The following EPHA3 variants were observed in gnomAD, a reference collection of about 807,000 sequenced individuals.
EPHA3 encodes EPH receptor A3, also known as ephrin type-A receptor 3.
In EPHA3, 42 loss-of-function variants were observed where a neutral mutation model predicts 107.1. The observed-to-expected ratio is 0.39, with a 90% CI of 0.31 to 0.51. EPHA3 has a LOEUF of 0.51. EPHA3 is among the 20% of genes least tolerant of loss of function. The pLI, the probability that EPHA3 is intolerant of heterozygous loss-of-function variation, is 0.78. For missense variants in EPHA3, 1,183 were observed against 1,211.2 expected, an observed-to-expected ratio of 0.98 and a Z score of 0.35; for synonymous variants, 461 against 424.8, an observed-to-expected ratio of 1.09 and a Z score of -1.05.
intron 3 of EPHA3, among the ~76,000 whole-genome samples, chr3:89,221,131 G>A (rs1704362859): frequency 6.6e-6 from 1 of 152,116 alleles, no homozygotes; most frequent in Non-Finnish European, 1.5e-5. Context: ...GCAGAGAGAG[G>A]CTGAGGTACC....
chr3:89,226,401 TG>T (rs1704504829), intron 3 of EPHA3, among the ~76,000 whole-genome samples: 1 of 152,126 alleles, frequency 6.6e-6, no homozygotes, highest in Admixed American at 6.6e-5. Context: ...ATCCTTACTA[TG>T]GGGAAACGTT....
At chr3:89,241,309 C>A (rs1029615592) in intron 3 of EPHA3, among the ~76,000 whole-genome samples, 3 of 152,130 alleles carry the variant, frequency 2.0e-5, no homozygotes, top group African/African-American at 7.2e-5. Context: ...ATCAGCCAAT[C>A]AGTGTTGACC....
chr3:89,227,414 C>T (rs1336182829), intron 3 of EPHA3, among the ~76,000 whole-genome samples: 4 of 152,014 alleles, frequency 2.6e-5, no homozygotes, highest in Non-Finnish European at 5.9e-5. Flanking sequence ...TTGCAGGTCT[C>T]TAATCCCTCA....
intron 5 of EPHA3, among the ~76,000 whole-genome samples, chr3:89,391,358 A>AT (rs1708728503): frequency 7.4e-6 from 1 of 134,426 alleles, no homozygotes; most frequent in African/African-American, 2.8e-5. Context: ...AGTCTTAACT[A>AT]TTTTTTTCTC....
At chr3:89,470,025 CA>C (rs1490812947) in intron 15 of EPHA3, among the ~76,000 whole-genome samples, 1 of 151,248 alleles carries the variant, frequency 6.6e-6, no homozygotes, top group African/African-American at 2.4e-5. Flanking sequence ...ACTAAAACGG[CA>C]AAAAATCAAA....
intron 5 of EPHA3, among the ~76,000 whole-genome samples, chr3:89,371,854 T>C (rs963620844): frequency 2.0e-5 from 3 of 151,584 alleles, no homozygotes; most frequent in Non-Finnish European, 4.4e-5. Context: ...CTTGCCTATA[T>C]TGAAGAGAAA....
chr3:89,400,889 A>C (rs1207429445), intron 7 of EPHA3, among the ~76,000 whole-genome samples: 1 of 152,214 alleles, frequency 6.6e-6, no homozygotes, highest in African/African-American at 2.4e-5. Flanking sequence ...AAGATGAGCA[A>C]AGATGCACAC....
intron 2 of EPHA3, among the ~76,000 whole-genome samples, chr3:89,195,940 A>T (rs1327797553): frequency 6.6e-6 from 1 of 152,118 alleles, no homozygotes; most frequent in Non-Finnish European, 1.5e-5. Flanking sequence ...TTGTCTTTAT[A>T]GCACCCAGAG....
chr3:89,401,953 C>A (rs558395699), intron 7 of EPHA3, among the ~76,000 whole-genome samples: 1 of 152,216 alleles, frequency 6.6e-6, no homozygotes, highest in East Asian at 1.9e-4. Flanking sequence ...GATCCGAAAT[C>A]ATAGAATTAG....
intron 1 of EPHA3, among the ~76,000 whole-genome samples, chr3:89,124,328 T>TC (rs1704042799): frequency 6.6e-6 from 1 of 152,156 alleles, no homozygotes; most frequent in Non-Finnish European, 1.5e-5. Flanking sequence ...GAAATTCCAT[T>TC]CATTGTCTTT....
intron 2 of EPHA3, among the ~76,000 whole-genome samples, chr3:89,128,180 T>C (rs558566099): frequency 6.6e-6 from 1 of 152,262 alleles, no homozygotes; most frequent in East Asian, 1.9e-4. Flanking sequence ...AGTCTTTAGA[T>C]TTTTGTGCCT....
intron 12 of EPHA3, 35 bp downstream of exon 12, chr3:89,429,202 T>A: frequency 2.0e-6 from 3 of 1,529,310 alleles, no homozygotes; most frequent in Non-Finnish European, 2.7e-6. Flanking sequence ...TATATATGAA[T>A]AAATTGCTGA....
intron 13 of EPHA3, among the ~76,000 whole-genome samples, chr3:89,440,759 G>A (rs1195194307): frequency 6.6e-6 from 1 of 152,142 alleles, no homozygotes; most frequent in Non-Finnish European, 1.5e-5. Flanking sequence ...GTTATGTAGT[G>A]CCTTTTTCCA....
chr3:89,184,832 A>G (rs1559590069), intron 2 of EPHA3, among the ~76,000 whole-genome samples: 1 of 152,062 alleles, frequency 6.6e-6, no homozygotes, highest in East Asian at 1.9e-4. Context: ...GGATAGCAGC[A>G]GTGATATTAG....
intron 5 of EPHA3, among the ~76,000 whole-genome samples, chr3:89,357,709 T>C (rs1707997914): frequency 6.6e-6 from 1 of 151,340 alleles, no homozygotes; most frequent in African/African-American, 2.4e-5. Flanking sequence ...TTTTTCATAG[T>C]TGATATCTGG....
intron 2 of EPHA3, among the ~76,000 whole-genome samples, chr3:89,197,570 A>C (rs1705868382): frequency 6.6e-6 from 1 of 152,176 alleles, no homozygotes; most frequent in African/African-American, 2.4e-5. Context: ...CAAGTGTCTA[A>C]TAAAATTACA....
At chr3:89,113,071 T>C (rs1707151829) in intron 1 of EPHA3, among the ~76,000 whole-genome samples, 2 of 152,160 alleles carry the variant, frequency 1.3e-5, no homozygotes, top group African/African-American at 4.8e-5. Context: ...AAAGGGCTTT[T>C]ACCAAGTACA....
At chr3:89,181,722 A>G (rs1705446833) in intron 2 of EPHA3, among the ~76,000 whole-genome samples, 2 of 151,992 alleles carry the variant, frequency 1.3e-5, no homozygotes, top group South Asian at 4.1e-4. Context: ...TACCTTGTTC[A>G]AAAACTAACA....
At chr3:89,453,909 A>G (rs1170229118) in intron 15 of EPHA3, among the ~76,000 whole-genome samples, 1 of 152,004 alleles carries the variant, frequency 6.6e-6, no homozygotes, top group South Asian at 2.1e-4. Context: ...GTGTCCCTCT[A>G]TTTGTCAGAG....
Sources: gnomAD v4.1 joint callset for allele counts (sites outside exome capture counted in the v4.1 genomes callset) on GRCh38, gnomAD v4.1.1 for gene constraint, MANE v1.5 for transcripts, NCBI Gene and HGNC (gene_info 2026-07-23, HGNC 2026-07-21) for gene names.